Variants in SLC38A11 observed in about 807,000 individuals in gnomAD.
The protein encoded by SLC38A11 is putative sodium-coupled neutral amino acid transporter 11.
SLC38A11 carries 51 observed loss-of-function variants against 49.4 expected under a neutral mutation model. That is an observed-to-expected ratio of 1.03 (90% CI 0.83 to 1.30). The LOEUF (loss-of-function observed/expected upper bound fraction) is 1.30, where lower values mean the gene tolerates loss of function less well. Ranked by LOEUF, SLC38A11 falls within the 50% of genes most tolerant of loss-of-function variation. The probability of loss-of-function intolerance (pLI) is 0.00; values close to 1 mark genes in which losing one functional copy is unlikely to be tolerated. For synonymous variants in SLC38A11, 203 were observed against 192.9 expected (o/e 1.05, Z -0.43); for missense variants, 574 against 556.2 (o/e 1.03, Z -0.32).
Position 164,895,739 on chromosome 2 carries a change from G to A in SLC38A11, c.*2698C>T, listed in dbSNP as rs1684368033. 2 of 152,192 alleles carry A rather than the reference G, an allele frequency of 1.3e-5. No individual in the cohort carries two copies. The highest frequency in any genetic ancestry group is 6.6e-5 in the Admixed American group (1 of 15,264). 9.4% of individuals were successfully genotyped at this position (152,192 alleles called of 1,614,324 possible). A position where few individuals can be genotyped will look rare whatever the true frequency, so the allele number is the denominator to read the frequency against. ...AGACCATACTTAGCTTCCAAGATCA[G>A]ATGAGATCTGGTGCGTTCAGGAAGG... On this transcript the variant is annotated 3_prime_UTR_variant, in exon 12 of 12. Coordinates refer to ENST00000685975, the MANE Select transcript of SLC38A11 (RefSeq NM_001351537.2).
chr2:164,907,454 C>T (rs188098749), intron 11 of SLC38A11, among the ~76,000 whole-genome samples: 26 of 151,320 alleles, frequency 1.7e-4, no homozygotes, highest in Middle Eastern at 3.4e-3. Context: ...TTTGTAGAGA[C>T]GGGGTTTCAC....
intron 2 of SLC38A11, among the ~76,000 whole-genome samples, chr2:164,953,866 AGAGT>A (rs1688680788): frequency 6.6e-6 from 1 of 152,068 alleles, no homozygotes; most frequent in African/African-American, 2.4e-5. Flanking sequence ...TTTCTGAGAT[AGAGT>A]GTTTTCAGAT....
Position 164,902,033 on chromosome 2 carries a change from C to CTT in SLC38A11, c.1096-3305_1096-3304dup, listed in dbSNP as rs60476941. Among the ~76,000 whole-genome samples the CTT allele has an allele frequency of 7.3e-3, 972 of 133,254 alleles. 11 individuals carry two copies. The highest frequency in any genetic ancestry group is 0.026 in the South Asian group (108 of 4,172). The allele number at this position is 133,254 out of a possible 152,430, so 87.4% of individuals were successfully genotyped here. On this transcript the variant is annotated intron_variant, in intron 11 of 11. Coordinates refer to ENST00000685975, the MANE Select transcript of SLC38A11 (RefSeq NM_001351537.2). ...ATCATGTGTTTTTTGTTTTCTCTCT[C>CTT]TTTTTTTTTTTTTTTTTGGAGACAG...
chr2:164,939,954 G>A (rs1375122118), intron 5 of SLC38A11, among the ~76,000 whole-genome samples: 1 of 148,164 alleles, frequency 6.7e-6, no homozygotes, highest in Non-Finnish European at 1.5e-5. Flanking sequence ...AAACCCTTCA[G>A]GTAGAAAGTA....
chr2:164,929,477 C>A (rs1686834846), intron 7 of SLC38A11, among the ~76,000 whole-genome samples: 1 of 151,988 alleles, frequency 6.6e-6, no homozygotes. Context: ...GTTGGAGGTA[C>A]CTTAAAAGAG....
intron 3 of SLC38A11, among the ~76,000 whole-genome samples, chr2:164,951,414 C>T (rs909342278): frequency 2.0e-5 from 3 of 151,900 alleles, no homozygotes; most frequent in Admixed American, 6.6e-5. Context: ...AATTTTTAAA[C>T]ACCAGCAACT....
At chr2:164,927,524 A>G (rs114550003) in intron 7 of SLC38A11, among the ~76,000 whole-genome samples, 108 of 152,270 alleles carry the variant, frequency 7.1e-4, no homozygotes, top group African/African-American at 2.4e-3. Flanking sequence ...TAGCTCCCCC[A>G]GCGAATGGCA....
intron 7 of SLC38A11, among the ~76,000 whole-genome samples, chr2:164,921,120 T>C (rs1467047906): frequency 2.6e-5 from 4 of 152,108 alleles, no homozygotes; most frequent in Non-Finnish European, 5.9e-5. Flanking sequence ...TTGAGAGAGC[T>C]AAATCTTCAT....
intron 7 of SLC38A11, among the ~76,000 whole-genome samples, chr2:164,930,088 G>T (rs527870795): frequency 1.3e-5 from 2 of 151,802 alleles, no homozygotes; most frequent in African/African-American, 4.8e-5. Context: ...TGACCCCACA[G>T]AAATACAAAT....
At chr2:164,929,191 C>G (rs959944504) in intron 7 of SLC38A11, among the ~76,000 whole-genome samples, 15 of 152,094 alleles carry the variant, frequency 9.9e-5, no homozygotes, top group Non-Finnish European at 2.2e-4. Flanking sequence ...ACCTGGCTTC[C>G]ACCCATACCA....
Position 164,898,750 on chromosome 2 carries a change from A to G in SLC38A11, c.1096-20T>C. 1 of 1,593,450 alleles carries G rather than the reference A, an allele frequency of 6.3e-7. No homozygotes were observed. On this transcript the variant is annotated intron_variant, in intron 11 of 11. Coordinates refer to ENST00000685975, the MANE Select transcript of SLC38A11 (RefSeq NM_001351537.2). ...CACACCCTGCATGTTGAAAACAAGA[A>G]ACAAGATAATGTCACTAGATGGAAA...
At chr2:164,937,881 C>CT (rs1172249868) in intron 6 of SLC38A11, among the ~76,000 whole-genome samples, 191 of 148,654 alleles carry the variant, frequency 1.3e-3, no homozygotes, top group African/African-American at 3.7e-3. Context: ...CCTCCCCGTC[C>CT]TTTTTTTTTT....
At chr2:164,943,636 G>A (rs1687925680) in intron 5 of SLC38A11, among the ~76,000 whole-genome samples, 1 of 152,042 alleles carries the variant, frequency 6.6e-6, no homozygotes, top group South Asian at 2.1e-4. Context: ...AAAACTGGAG[G>A]GAGTGATGGA....
At position 164,908,678 on chromosome 2, in the gene SLC38A11, A is replaced by C; in HGVS notation, c.1057T>G (p.Leu353Val). 1 of 1,607,818 alleles carries C rather than the reference A, an allele frequency of 6.2e-7. No homozygotes were observed. Among genetic ancestry groups the C allele is most frequent in the Non-Finnish European group, 8.5e-7 (1 of 1,176,656 alleles). ...ACTATCCCGAGGCAATCAATCAGCA[A>C]TGACACAAGCGTGGCTACAGTGATG... ...MVITVATLVS[L>V]LIDCLGIVLE... The change falls in exon 11 of 12, where the codon TTG (leucine) becomes GTG (valine). Residue 353 changes from leucine (L) to valine (V), a missense_variant. Physicochemically the swap from Leu to Val is conservative, Grantham distance 32. Transcript: ENST00000685975.
chr2:164,906,929 T>C (rs1685047226), intron 11 of SLC38A11, among the ~76,000 whole-genome samples: 1 of 152,112 alleles, frequency 6.6e-6, no homozygotes, highest in East Asian at 1.9e-4. Flanking sequence ...AATAATACCT[T>C]CACCTATGCC....
intron 7 of SLC38A11, among the ~76,000 whole-genome samples, chr2:164,918,949 G>T (rs1321865999): frequency 6.6e-6 from 1 of 151,736 alleles, no homozygotes; most frequent in Non-Finnish European, 1.5e-5. Context: ...ACACACAAAT[G>T]GGAAGACTCA....
chr2:164,951,500 A>G (rs1051113935), intron 3 of SLC38A11, among the ~76,000 whole-genome samples: 8 of 152,182 alleles, frequency 5.3e-5, no homozygotes, highest in African/African-American at 4.8e-5. Context: ...TAATAACTAG[A>G]AGCAGTTTAG....
chr2:164,923,936 A>G (rs1187599882), intron 7 of SLC38A11, among the ~76,000 whole-genome samples: 1 of 152,198 alleles, frequency 6.6e-6, no homozygotes, highest in Admixed American at 6.5e-5. Context: ...AAACAGAACT[A>G]CCATTCAACC....
In SLC38A11 at chr2:164,954,740, ATCTC is replaced by A. The variant is rs1332504292; in HGVS notation, c.41_44del (p.Arg14IlefsTer2). 2 of 1,486,678 alleles carry A rather than the reference ATCTC, an allele frequency of 1.3e-6. No individual in the cohort carries two copies. The highest frequency in any genetic ancestry group is 1.8e-6 in the Non-Finnish European group (2 of 1,102,546). 92.1% of individuals were successfully genotyped at this position (1,486,678 alleles called of 1,614,324 possible). A position where few individuals can be genotyped will look rare whatever the true frequency, so the allele number is the denominator to read the frequency against. ...AAACAAGGGTTTCTCTGTCATCTAA[ATCTC>A]TCTAATAGATAAAATAGCAATTATA... On this transcript the variant is annotated frameshift_variant and splice_region_variant, in exon 2 of 12. Transcript: ENST00000685975. LOFTEE classifies it high-confidence loss of function.
Sources: gnomAD v4.1 joint callset for allele counts (sites outside exome capture counted in the v4.1 genomes callset) on GRCh38, gnomAD v4.1.1 for gene constraint, MANE v1.5 for transcripts, NCBI Gene and HGNC (gene_info 2026-07-23, HGNC 2026-07-21) for gene names.